The following COL25A1 variants were observed in gnomAD, a reference collection of about 807,000 sequenced individuals.
COL25A1 encodes the protein collagen type XXV alpha 1 chain.
A neutral mutation model predicts 128.4 loss-of-function variants in COL25A1; 103 were observed. The ratio of observed to expected loss-of-function variants is 0.80; its 90% confidence interval spans 0.68 to 0.94. The LOEUF (loss-of-function observed/expected upper bound fraction) is 0.94, where lower values mean the gene tolerates loss of function less well. COL25A1 is among the 40% of genes least tolerant of loss of function. The pLI is 0.00. For missense variants in COL25A1, 745 were observed against 840.0 expected, an observed-to-expected ratio of 0.89 and a Z score of 1.40; for synonymous variants, 279 against 277.2, an observed-to-expected ratio of 1.01 and a Z score of -0.06.
intron 30 of COL25A1, among the ~76,000 whole-genome samples, chr4:108,842,141 G>C (rs1179202921): frequency 6.6e-6 from 1 of 152,158 alleles, no homozygotes; most frequent in East Asian, 1.9e-4. Context: ...TGCCAGGGAA[G>C]AGGAGAAGTT....
chr4:109,191,124 C>T (rs1375507341), intron 3 of COL25A1, among the ~76,000 whole-genome samples: 1 of 152,156 alleles, frequency 6.6e-6, no homozygotes, highest in African/African-American at 2.4e-5. Context: ...TAGAATAGTA[C>T]ACAGAAAGCA....
chr4:108,825,684 T>C (rs1035018336), intron 33 of COL25A1, among the ~76,000 whole-genome samples: 1 of 152,190 alleles, frequency 6.6e-6, no homozygotes, highest in African/African-American at 2.4e-5. Context: ...CCAGCACTAA[T>C]AGAGGATGTG....
chr4:109,296,314 C>T (rs910950412), intron 3 of COL25A1, among the ~76,000 whole-genome samples: 2 of 151,830 alleles, frequency 1.3e-5, no homozygotes, highest in Non-Finnish European at 2.9e-5. Flanking sequence ...TTATTTTCCC[C>T]AGAGAAAAGA....
chr4:108,895,765 T>G (rs946982729), intron 16 of COL25A1, among the ~76,000 whole-genome samples: 12 of 151,922 alleles, frequency 7.9e-5, no homozygotes, highest in African/African-American at 2.7e-4. Flanking sequence ...CAGGTGGTGT[T>G]TGGTTAATGG....
At chr4:109,092,607 T>C (rs539375545) in intron 3 of COL25A1, among the ~76,000 whole-genome samples, 12 of 152,362 alleles carry the variant, frequency 7.9e-5, no homozygotes, top group Middle Eastern at 3.4e-3. Context: ...TTAGAAGTTA[T>C]CTTGAATTCT....
chr4:108,934,301 A>T (rs1044210129), intron 11 of COL25A1, among the ~76,000 whole-genome samples: 6 of 87,222 alleles, frequency 6.9e-5, no homozygotes, highest in Non-Finnish European at 1.0e-4. Context: ...ACTTGGACAC[A>T]GGGCGGGGAA....
chr4:108,863,396 A>T lies in COL25A1; in HGVS notation c.1084-9T>A. ...GCTTCCCCCCGTTCACCCTGTCACA[A>T]ATTGCAAAACAGGTAAATGGTCATT... On this transcript the variant is annotated splice_polypyrimidine_tract_variant and intron_variant, in intron 20 of 37. Transcript: ENST00000399132. The T allele has an allele frequency of 6.2e-7, 1 of 1,613,054 alleles. No individual in the cohort carries two copies. The highest frequency in any genetic ancestry group is 8.5e-7 in the Non-Finnish European group (1 of 1,179,634).
At chr4:109,219,456 T>C (rs1778268045) in intron 3 of COL25A1, among the ~76,000 whole-genome samples, 1 of 152,080 alleles carries the variant, frequency 6.6e-6, no homozygotes, top group African/African-American at 2.4e-5. Flanking sequence ...CAGTTTTTAC[T>C]CTTAGTCTGT....
chr4:109,175,498 A>G (rs746399548), intron 3 of COL25A1, among the ~76,000 whole-genome samples: 1 of 152,222 alleles, frequency 6.6e-6, no homozygotes, highest in Non-Finnish European at 1.5e-5. Flanking sequence ...TTCTTCATAT[A>G]AAACACAATT....
rs1202492887 is a variant in COL25A1 at position 109,203,745 on chromosome 4, T to TAAAAAAAA, written c.367+96837_367+96838insTTTTTTTT. ...GAAAATAAATAAAAGTAAAGCAATG[T>TAAAAAAAA]TTAATTCCAAGGGAAAAATTTAATC... On this transcript the variant is annotated intron_variant, in intron 3 of 37. Transcript: ENST00000399132. Among the ~76,000 whole-genome samples the TAAAAAAAA allele has an allele frequency of 8.4e-3, 1,278 of 152,276 alleles. 54 individuals carry two copies. In the South Asian group the frequency reaches 0.14, roughly 16 times the overall value.
At chr4:108,965,245 A>C (rs1751159625) in intron 8 of COL25A1, among the ~76,000 whole-genome samples, 1 of 152,198 alleles carries the variant, frequency 6.6e-6, no homozygotes, top group Non-Finnish European at 1.5e-5. Context: ...TTTTATGAAA[A>C]TGTGAAGCAG....
At chr4:108,830,083 G>A (rs1266050163) in intron 32 of COL25A1, among the ~76,000 whole-genome samples, 2 of 152,118 alleles carry the variant, frequency 1.3e-5, no homozygotes, top group Non-Finnish European at 2.9e-5. Context: ...TTTTGAATTT[G>A]TCACTTAGAG....
chr4:108,978,961 T>C (rs887982152), intron 6 of COL25A1, among the ~76,000 whole-genome samples: 5 of 152,210 alleles, frequency 3.3e-5, no homozygotes, highest in African/African-American at 1.2e-4. Flanking sequence ...TTTGAATTAG[T>C]TGTATGTAAT....
At chr4:109,104,147 A>G (rs1277340951) in intron 3 of COL25A1, among the ~76,000 whole-genome samples, 2 of 152,108 alleles carry the variant, frequency 1.3e-5, no homozygotes, top group Non-Finnish European at 2.9e-5. Context: ...CTGAGGTGGG[A>G]GGATCACTTG....
chr4:108,925,623 A>G (rs1745959253), intron 11 of COL25A1, among the ~76,000 whole-genome samples: 1 of 152,170 alleles, frequency 6.6e-6, no homozygotes, highest in South Asian at 2.1e-4. Flanking sequence ...AGTAGGATAA[A>G]ATTTACAGAA....
chr4:109,067,294 A>T (rs1416837341), intron 3 of COL25A1, among the ~76,000 whole-genome samples: 1 of 152,222 alleles, frequency 6.6e-6, no homozygotes, highest in Non-Finnish European at 1.5e-5. Flanking sequence ...CACTATAGAA[A>T]TAATCTCAAT....
chr4:109,274,569 G>C (rs1053501124), intron 3 of COL25A1, among the ~76,000 whole-genome samples: 1 of 152,060 alleles, frequency 6.6e-6, no homozygotes, highest in Non-Finnish European at 1.5e-5. Flanking sequence ...AAAGAAAAGA[G>C]ATAAACACTT....
intron 35 of COL25A1, among the ~76,000 whole-genome samples, chr4:108,822,414 A>G (rs956227713): frequency 3.3e-5 from 5 of 151,918 alleles, no homozygotes; most frequent in African/African-American, 4.8e-5. Context: ...ATGCATATAT[A>G]TATGTTTTTG....
At chr4:109,049,234 A>T (rs1016199771) in intron 4 of COL25A1, among the ~76,000 whole-genome samples, 10 of 152,202 alleles carry the variant, frequency 6.6e-5, no homozygotes, top group Non-Finnish European at 1.5e-4. Context: ...ACTTAGAGAA[A>T]ATACTGAAAA....
Sources: gnomAD v4.1 joint callset for allele counts (sites outside exome capture counted in the v4.1 genomes callset) on GRCh38, gnomAD v4.1.1 for gene constraint, MANE v1.5 for transcripts, NCBI Gene and HGNC (gene_info 2026-07-23, HGNC 2026-07-21) for gene names.